FSTL5: variants seen among roughly 807,000 people sequenced by gnomAD.
The protein encoded by FSTL5 is follistatin like 5.
FSTL5 carries 62 observed loss-of-function variants against 89.1 expected under a neutral mutation model. The observed-to-expected ratio is 0.70, with a 90% CI of 0.57 to 0.86. The LOEUF is 0.86. Ranked by LOEUF, FSTL5 falls within the 40% of genes least tolerant of loss-of-function variation. The probability of loss-of-function intolerance (pLI) is 0.00; values close to 1 mark genes in which losing one functional copy is unlikely to be tolerated. For missense variants in FSTL5, 1,057 were observed against 1,001.6 expected, an observed-to-expected ratio of 1.06 and a Z score of -0.75; for synonymous variants, 383 against 346.2, an observed-to-expected ratio of 1.11 and a Z score of -1.18.
intron 4 of FSTL5, among the ~76,000 whole-genome samples, chr4:161,806,287 G>A (rs868433580): frequency 6.6e-6 from 1 of 152,102 alleles, no homozygotes. Flanking sequence ...GTAGCACCTG[G>A]ATAAACACCC....
intron 3 of FSTL5, among the ~76,000 whole-genome samples, chr4:161,983,468 G>T (rs117109676): frequency 6.6e-6 from 1 of 152,152 alleles, no homozygotes; most frequent in East Asian, 1.9e-4. Flanking sequence ...CAGACAGCAA[G>T]AACAACTTGT....
intron 7 of FSTL5, among the ~76,000 whole-genome samples, chr4:161,594,661 CA>C (rs1449397262): frequency 2.0e-5 from 3 of 151,762 alleles, no homozygotes; most frequent in African/African-American, 7.3e-5. Flanking sequence ...TAAAATATTC[CA>C]GCCAAAATTT....
At chr4:161,615,554 T>TA (rs1489836225) in intron 7 of FSTL5, among the ~76,000 whole-genome samples, 1 of 151,634 alleles carries the variant, frequency 6.6e-6, no homozygotes, top group African/African-American at 2.4e-5. Flanking sequence ...CACATGCATG[T>TA]ACACGCACAC....
chr4:161,811,029 C>T (rs935739575), intron 4 of FSTL5, among the ~76,000 whole-genome samples: 1 of 152,134 alleles, frequency 6.6e-6, no homozygotes, highest in Admixed American at 6.5e-5. Flanking sequence ...TGAGAGATCC[C>T]TCTGCTCCCA....
At chr4:162,006,940 A>C (rs1736632570) in intron 3 of FSTL5, among the ~76,000 whole-genome samples, 1 of 151,916 alleles carries the variant, frequency 6.6e-6, no homozygotes, top group African/African-American at 2.4e-5. Flanking sequence ...AAGTTAAAAA[A>C]TAGATGCACA....
At chr4:162,029,461 T>G (rs1384955786) in intron 3 of FSTL5, among the ~76,000 whole-genome samples, 1 of 152,104 alleles carries the variant, frequency 6.6e-6, no homozygotes, top group African/African-American at 2.4e-5. Context: ...CCTTGTAAAA[T>G]TATAAGCCTT....
chr4:161,725,405 T>G (rs1739363009), intron 6 of FSTL5, among the ~76,000 whole-genome samples: 1 of 152,084 alleles, frequency 6.6e-6, no homozygotes, highest in Admixed American at 6.6e-5. Context: ...AATTTGACTG[T>G]CTTTAAATAC....
At chr4:161,674,504 A>G (rs1287463674) in intron 6 of FSTL5, among the ~76,000 whole-genome samples, 1 of 152,180 alleles carries the variant, frequency 6.6e-6, no homozygotes, top group African/African-American at 2.4e-5. Flanking sequence ...TTTTATATTT[A>G]CATCCCTTCT....
intron 2 of FSTL5, among the ~76,000 whole-genome samples, chr4:162,080,535 T>G (rs1325231119): frequency 6.6e-6 from 1 of 151,692 alleles, no homozygotes; most frequent in African/African-American, 2.4e-5. Flanking sequence ...TAGAAATACT[T>G]GTAAAGTTTT....
intron 7 of FSTL5, among the ~76,000 whole-genome samples, chr4:161,598,872 T>C (rs965839004): frequency 6.6e-6 from 1 of 152,130 alleles, no homozygotes; most frequent in Admixed American, 6.6e-5. Flanking sequence ...GACAGAACTT[T>C]AAATCTTTTC....
At chr4:161,504,086 A>G (rs1302426294) in intron 11 of FSTL5, among the ~76,000 whole-genome samples, 2 of 152,008 alleles carry the variant, frequency 1.3e-5, no homozygotes, top group Non-Finnish European at 2.9e-5. Context: ...TGCAAAATGT[A>G]AACAATGTTT....
At chr4:161,964,034 T>C (rs980386603) in intron 3 of FSTL5, among the ~76,000 whole-genome samples, 2 of 152,090 alleles carry the variant, frequency 1.3e-5, no homozygotes, top group Admixed American at 1.3e-4. Context: ...AGTAATACCC[T>C]TTTTTCTCTA....
At chr4:161,784,895 A>AAAAAAAAAAAAAAAAAAAAAAAC (rs1553965825) in intron 4 of FSTL5, among the ~76,000 whole-genome samples, 14 of 141,954 alleles carry the variant, frequency 9.9e-5, no homozygotes, top group African/African-American at 2.9e-4. Context: ...TCCGTCTCAA[A>AAAAAAAAAAAAAAAAAAAAAAAC]AAAAACAAAA....
chr4:162,112,775 TCACACACACACACACACACA>T (rs71598742), intron 1 of FSTL5, among the ~76,000 whole-genome samples: 2 of 139,328 alleles, frequency 1.4e-5, no homozygotes, highest in Admixed American at 7.2e-5. Flanking sequence ...ACCGACACAA[TCACACACACACACACACACA>T]CACACACACA....
intron 15 of FSTL5, among the ~76,000 whole-genome samples, chr4:161,412,212 T>A (rs1731616490): frequency 6.6e-6 from 1 of 152,036 alleles, no homozygotes; most frequent in Admixed American, 6.6e-5. Flanking sequence ...TAGAAATACA[T>A]TACATGCTCG....
chr4:162,024,782 G>A (rs1424712169), intron 3 of FSTL5, among the ~76,000 whole-genome samples: 1 of 151,818 alleles, frequency 6.6e-6, no homozygotes. Context: ...CCTCTAGAGG[G>A]ACTAAACTAC....
chr4:161,386,832 G>C (rs1338679652), intron 15 of FSTL5: 15 of 169,640 alleles, frequency 8.8e-5, no homozygotes, highest in Admixed American at 8.3e-4. Flanking sequence ...AAGAGTAAAA[G>C]GCTCGAATAT....
intron 15 of FSTL5, among the ~76,000 whole-genome samples, chr4:161,397,033 A>G (rs1423973118): frequency 1.3e-5 from 2 of 152,194 alleles, no homozygotes; most frequent in African/African-American, 4.8e-5. Flanking sequence ...GTAGCACTTT[A>G]CAAGTGTAGA....
At chr4:162,049,696 T>G (rs574813180) in intron 2 of FSTL5, among the ~76,000 whole-genome samples, 1 of 152,218 alleles carries the variant, frequency 6.6e-6, no homozygotes, top group South Asian at 2.1e-4. Context: ...CTGTGAAACT[T>G]GACCTTGCAG....
Sources: gnomAD v4.1 joint callset for allele counts (sites outside exome capture counted in the v4.1 genomes callset) on GRCh38, gnomAD v4.1.1 for gene constraint, MANE v1.5 for transcripts, NCBI Gene and HGNC (gene_info 2026-07-23, HGNC 2026-07-21) for gene names.